Variants in CEP112 observed in about 807,000 individuals in gnomAD.
CEP112 encodes the protein centrosomal protein of 112 kDa.
Under a neutral mutation model 153.0 loss-of-function variants are expected in CEP112, and 127 were observed. The observed-to-expected ratio is 0.83, with a 90% CI of 0.72 to 0.96. The LOEUF (loss-of-function observed/expected upper bound fraction) is 0.96. Among genes scored for constraint, CEP112 ranks in the 40% least tolerant of loss-of-function variants. The probability of loss-of-function intolerance (pLI) is 0.00; values close to 1 mark genes in which losing one functional copy is unlikely to be tolerated. For synonymous variants in CEP112, 358 were observed against 374.4 expected (o/e 0.96, Z 0.51); for missense variants, 1,089 against 1,101.2 (o/e 0.99, Z 0.16).
At chr17:66,098,111 A>T (rs1264247071) in intron 6 of CEP112, among the ~76,000 whole-genome samples, 1 of 152,188 alleles carries the variant, frequency 6.6e-6, no homozygotes. Flanking sequence ...AATCGTTCAA[A>T]CCAGATTCAA....
chr17:66,129,856 G>A (rs370547516), intron 5 of CEP112, 33 bp from the exon 6 acceptor site: 6 of 1,368,170 alleles, frequency 4.4e-6, no homozygotes, highest in African/African-American at 4.4e-5. Context: ...GAAGAGGAGA[G>A]GAAGGAAAGA....
chr17:65,940,831 G>A (rs1027125009), intron 18 of CEP112, among the ~76,000 whole-genome samples: 2 of 152,208 alleles, frequency 1.3e-5, no homozygotes, highest in East Asian at 1.9e-4. Flanking sequence ...AGAGCATAGC[G>A]ACTATAGTTA....
intron 4 of CEP112, among the ~76,000 whole-genome samples, chr17:66,172,338 T>C (rs977275306): frequency 6.6e-6 from 1 of 152,148 alleles, no homozygotes. Flanking sequence ...AAGGAGTAAA[T>C]GGCGGGGTCG....
chr17:65,840,346 A>C (rs1381441454), intron 21 of CEP112, among the ~76,000 whole-genome samples: 2 of 151,952 alleles, frequency 1.3e-5, no homozygotes, highest in African/African-American at 4.8e-5. Flanking sequence ...TAGAGAACCC[A>C]CCACACCTTT....
At chr17:65,723,383 ATAAT>A (rs1445744941) in intron 23 of CEP112, among the ~76,000 whole-genome samples, 2 of 152,264 alleles carry the variant, frequency 1.3e-5, no homozygotes, top group African/African-American at 2.4e-5. Flanking sequence ...AAAATATGGA[ATAAT>A]TAGTTTTTTA....
At chr17:65,655,914 C>T (rs1429085782) in intron 24 of CEP112, among the ~76,000 whole-genome samples, 1 of 152,090 alleles carries the variant, frequency 6.6e-6, no homozygotes. Flanking sequence ...TAAATGTGGC[C>T]TTGGGAGGTA....
rs574695715 is a variant in CEP112, at chr17:66,163,835, A to T, written c.470+11209T>A. ...CTGTTATCCATTTTTGTTTATTAAA[A>T]AGGACAACCCAAACTGTTCAATATT... On this transcript the variant is annotated intron_variant, in intron 4 of 26. Coordinates refer to ENST00000535342, the MANE Select transcript of CEP112 (RefSeq NM_001199165.4). Among the ~76,000 whole-genome samples, 17 of 152,352 alleles carry T rather than the reference A, an allele frequency of 1.1e-4. No individual in the cohort carries two copies. In the South Asian group the frequency reaches 3.5e-3, roughly 32 times the overall value.
intron 8 of CEP112, among the ~76,000 whole-genome samples, chr17:66,088,588 C>A (rs920259831): frequency 8.6e-5 from 13 of 152,042 alleles, no homozygotes; most frequent in African/African-American, 3.1e-4. Context: ...CCAACACAAC[C>A]CCATGCTTTA....
At chr17:65,913,713 C>T (rs912597419) in intron 19 of CEP112, 2 of 985,302 alleles carry the variant, frequency 2.0e-6, no homozygotes, top group Admixed American at 6.1e-5. Context: ...ATTCCTTTTC[C>T]TCTCCAGCCA....
chr17:65,919,854 G>C (rs7218281), intron 19 of CEP112, among the ~76,000 whole-genome samples: 5,728 of 152,124 alleles, frequency 0.038, 324 homozygotes, highest in African/African-American at 0.12. Flanking sequence ...ATGGTACCAT[G>C]TATGTATGGG....
At chr17:65,778,201 T>A (rs1444676342) in intron 21 of CEP112, among the ~76,000 whole-genome samples, 1 of 152,196 alleles carries the variant, frequency 6.6e-6, no homozygotes, top group African/African-American at 2.4e-5. Flanking sequence ...AAGACAGGAA[T>A]CTTTTGTCTG....
chr17:66,071,086 T>C (rs1187954931), intron 8 of CEP112, among the ~76,000 whole-genome samples: 2 of 152,218 alleles, frequency 1.3e-5, no homozygotes, highest in African/African-American at 4.8e-5. Flanking sequence ...AATATTTTCT[T>C]GAAAATTTTT....
chr17:66,038,722 A>G (rs1024856), intron 12 of CEP112, among the ~76,000 whole-genome samples: 62,504 of 152,118 alleles, frequency 0.41, 14,314 homozygotes, highest in East Asian at 0.87. Context: ...TATGAACAGG[A>G]TATCTTCCCA....
chr17:65,774,017 G>A (rs2053532548), intron 21 of CEP112, among the ~76,000 whole-genome samples: 1 of 151,914 alleles, frequency 6.6e-6, no homozygotes, highest in South Asian at 2.1e-4. Context: ...AATCCGGGAG[G>A]TGGAAGTTGC....
At position 65,734,302 on chromosome 17, in the gene CEP112, G is replaced by C. The variant is rs113847520; in HGVS notation, c.2607+8766C>G. Reference sequence around the variant, plus strand: ...GGGGCATGGGATCATAGAGAACATGGCATCTATGTTGAGCACTGGCAGCTG... The same window carrying C: ...GGGGCATGGGATCATAGAGAACATGCCATCTATGTTGAGCACTGGCAGCTG... On this transcript the variant is annotated intron_variant, in intron 23 of 26. Transcript: ENST00000535342. Among the ~76,000 whole-genome samples the C allele has an allele frequency of 6.7e-3, 1,026 of 152,288 alleles. 13 individuals carry two copies. The highest frequency in any genetic ancestry group is 0.023 in the African/African-American group (966 of 41,572).
At chr17:66,010,988 G>A (rs1216288039) in intron 16 of CEP112, among the ~76,000 whole-genome samples, 1 of 152,050 alleles carries the variant, frequency 6.6e-6, no homozygotes, top group African/African-American at 2.4e-5. Flanking sequence ...GAGTTAAGGA[G>A]GAGTCCCTCC....
Position 65,948,593 on chromosome 17 carries a change from C to T in CEP112, c.1872+12870G>A, listed in dbSNP as rs72631316. Among the ~76,000 whole-genome samples, 453 of 44,004 alleles carry T rather than the reference C, an allele frequency of 0.01. 1 individual carries two copies. In the East Asian group the frequency reaches 0.22, roughly 21 times the overall value. The allele number at this position is 44,004 out of a possible 152,430, so 28.9% of individuals were successfully genotyped here. On this transcript the variant is annotated intron_variant, in intron 18 of 26. Coordinates refer to ENST00000535342, the MANE Select transcript of CEP112 (RefSeq NM_001199165.4). ...ATATGATTTTATATATATATATATA[C>T]ATACATAGAAATAATTCTAACGATA...
intron 21 of CEP112, among the ~76,000 whole-genome samples, chr17:65,829,403 A>T (rs1379914119): frequency 6.6e-6 from 1 of 152,104 alleles, no homozygotes; most frequent in Non-Finnish European, 1.5e-5. Context: ...GAACCCTTCC[A>T]CTATACTAGA....
chr17:66,029,917 T>G lies in CEP112; in HGVS notation c.1325A>C (p.Glu442Ala). 1 of 1,613,996 alleles carries G rather than the reference T, an allele frequency of 6.2e-7. No homozygotes were observed. Residue 442 changes from glutamate (E) to alanine (A), a missense_variant, in exon 13 of 27, where the codon GAA becomes GCA. Transcript: ENST00000535342. ...ACTACACGTTATCTGGTAACATCTT[T>G]CAAGTTCTGCTTTTTCTTGAATTAA... ...QKLIQEKAEL[E>A]RCYQITCSEL... is the part of the protein sequence containing the mutation.
Sources: gnomAD v4.1 joint callset for allele counts (sites outside exome capture counted in the v4.1 genomes callset) on GRCh38, gnomAD v4.1.1 for gene constraint, MANE v1.5 for transcripts, NCBI Gene and HGNC (gene_info 2026-07-23, HGNC 2026-07-21) for gene names.